GRIK4: variants seen among roughly 807,000 people sequenced by gnomAD.
The protein encoded by GRIK4 is glutamate receptor ionotropic, kainate 4.
GRIK4 carries 40 observed loss-of-function variants against 104.9 expected under a neutral mutation model. The observed-to-expected ratio is 0.38, with a 90% CI of 0.30 to 0.50. The LOEUF (loss-of-function observed/expected upper bound fraction) is 0.50. Among genes scored for constraint, GRIK4 ranks in the 20% least tolerant of loss-of-function variants. The probability of loss-of-function intolerance (pLI) is 0.93; values close to 1 mark genes in which losing one functional copy is unlikely to be tolerated. For synonymous variants in GRIK4, 485 were observed against 524.9 expected (o/e 0.92, Z 1.04); for missense variants, 1,047 against 1,308.1 (o/e 0.80, Z 3.08).
At chr11:120,663,755 G>A (rs1352461594) in intron 3 of GRIK4, among the ~76,000 whole-genome samples, 1 of 151,926 alleles carries the variant, frequency 6.6e-6, no homozygotes, top group Non-Finnish European at 1.5e-5. Context: ...TCTTCCTCCC[G>A]TTTCATCTTC....
chr11:120,662,897 C>T (rs2135245910), intron 3 of GRIK4, among the ~76,000 whole-genome samples: 1 of 152,222 alleles, frequency 6.6e-6, no homozygotes, highest in Non-Finnish European at 1.5e-5. Context: ...GTGGCCGAAC[C>T]CATTACCCTG....
intron 3 of GRIK4, among the ~76,000 whole-genome samples, chr11:120,709,069 G>A (rs76976304): frequency 0.03 from 4,501 of 152,146 alleles, 100 homozygotes; most frequent in Non-Finnish European, 0.047. Context: ...TCAGGAGTCC[G>A]GAGTCCTTTC....
chr11:120,549,561 C>T lies in GRIK4; in HGVS notation c.-159+37674C>T, dbSNP rs1369815832. Among the ~76,000 whole-genome samples, 1 of 152,190 alleles carries T rather than the reference C, an allele frequency of 6.6e-6. No homozygotes were observed. The highest frequency in any genetic ancestry group is 1.9e-4 in the East Asian group (1 of 5,190). The stretch of plus-strand genomic sequence containing the variant: ...TTCCTGTAAGAGGTGAGGGCAGAGA[C>T]AGGATAGGGAGGGGCACAGCAGGCA... On this transcript the variant is annotated intron_variant, in intron 1 of 20. Transcript: ENST00000527524. The surrounding 1 kb of genome is among the most constrained non-coding windows in gnomAD (Gnocchi z 4.7).
intron 1 of GRIK4, among the ~76,000 whole-genome samples, chr11:120,541,956 G>C (rs1348185132): frequency 2.7e-5 from 4 of 150,204 alleles, no homozygotes; most frequent in Non-Finnish European, 5.9e-5. Context: ...TACAGAAAGA[G>C]AAAAAAAAAC....
In GRIK4 at chr11:120,716,384, CA is replaced by C. The variant is rs573484231; in HGVS notation, c.82+55985del. Among the ~76,000 whole-genome samples, 779 of 152,238 alleles carry C rather than the reference CA, an allele frequency of 5.1e-3. 5 individuals are homozygous for C. Among genetic ancestry groups the C allele is most frequent in the African/African-American group, 0.018 (758 of 41,528 alleles). On this transcript the variant is annotated intron_variant, in intron 3 of 20. Coordinates refer to ENST00000527524, the MANE Select transcript of GRIK4 (RefSeq NM_014619.5). ...TCAGCCTCCCAAGTAGCTGGGATTA[CA>C]GGCGCCTGCCACTGTGCCCAGCTAA...
At chr11:120,706,763 G>T (rs1216207353) in intron 3 of GRIK4, among the ~76,000 whole-genome samples, 1 of 152,200 alleles carries the variant, frequency 6.6e-6, no homozygotes, top group Non-Finnish European at 1.5e-5. Context: ...CTGTGAGTAG[G>T]GATGGCAACT....
At chr11:120,634,054 G>A (rs546622808) in intron 1 of GRIK4, among the ~76,000 whole-genome samples, 2 of 152,312 alleles carry the variant, frequency 1.3e-5, no homozygotes, top group African/African-American at 4.8e-5. Flanking sequence ...TAACGTTAGA[G>A]CAGCGGCTGC....
chr11:120,926,463 A>G (rs1326048128), intron 13 of GRIK4, among the ~76,000 whole-genome samples: 3 of 152,182 alleles, frequency 2.0e-5, no homozygotes, highest in East Asian at 1.9e-4. Flanking sequence ...AACCTCCCCA[A>G]CATACCTACA....
intron 1 of GRIK4, among the ~76,000 whole-genome samples, chr11:120,556,059 C>G (rs1306716651): frequency 6.6e-6 from 1 of 152,152 alleles, no homozygotes; most frequent in Non-Finnish European, 1.5e-5. Flanking sequence ...AGAGCGCCGT[C>G]TAATGTGGGT....
At chr11:120,624,531 T>A (rs937247185) in intron 1 of GRIK4, among the ~76,000 whole-genome samples, 6 of 152,078 alleles carry the variant, frequency 3.9e-5, no homozygotes. Flanking sequence ...TTGCCCCTCC[T>A]TGCTGGCCAC....
At chr11:120,699,874 C>T (rs971980487) in intron 3 of GRIK4, among the ~76,000 whole-genome samples, 3 of 152,174 alleles carry the variant, frequency 2.0e-5, no homozygotes, top group African/African-American at 7.2e-5. Context: ...CAGTTTGTAT[C>T]AGCAAGGGCC....
chr11:120,669,218 G>T (rs907703604), intron 3 of GRIK4, among the ~76,000 whole-genome samples: 3 of 152,142 alleles, frequency 2.0e-5, no homozygotes, highest in Non-Finnish European at 4.4e-5. Flanking sequence ...CCCCATTTCT[G>T]TGCAGCATTT....
At chr11:120,839,327 T>C (rs1953658389) in intron 8 of GRIK4, among the ~76,000 whole-genome samples, 1 of 152,214 alleles carries the variant, frequency 6.6e-6, no homozygotes, top group Non-Finnish European at 1.5e-5. Flanking sequence ...GGGAAAGGCA[T>C]GGATGGACCT....
intron 1 of GRIK4, among the ~76,000 whole-genome samples, chr11:120,653,144 C>T (rs1269356290): frequency 6.6e-6 from 1 of 152,194 alleles, no homozygotes; most frequent in Non-Finnish European, 1.5e-5. Flanking sequence ...TGCTGCATGC[C>T]AGGCACTGTC....
chr11:120,695,391 G>A (rs1404416920), intron 3 of GRIK4, among the ~76,000 whole-genome samples: 4 of 152,240 alleles, frequency 2.6e-5, no homozygotes, highest in African/African-American at 9.6e-5. Flanking sequence ...GCCTTCTGTG[G>A]CTCGCCAAGG....
At chr11:120,898,884 C>G (rs1249429085) in intron 12 of GRIK4, among the ~76,000 whole-genome samples, 1 of 152,208 alleles carries the variant, frequency 6.6e-6, no homozygotes, top group Non-Finnish European at 1.5e-5. Flanking sequence ...CTCTTGGAGG[C>G]ACCCTGTCAG....
intron 13 of GRIK4, among the ~76,000 whole-genome samples, chr11:120,925,736 C>A (rs1215150851): frequency 6.6e-6 from 1 of 152,048 alleles, no homozygotes; most frequent in Non-Finnish European, 1.5e-5. Context: ...CTTTGGGAGA[C>A]TGAGGCGGGT....
intron 15 of GRIK4, among the ~76,000 whole-genome samples, chr11:120,954,819 AC>A (rs1390002334): frequency 2.6e-4 from 21 of 82,184 alleles, no homozygotes; most frequent in African/African-American, 1.4e-3. Context: ...ACACACACAC[AC>A]ACACACACAC....
chr11:120,605,162 T>C (rs916621512), intron 1 of GRIK4, among the ~76,000 whole-genome samples: 1 of 152,194 alleles, frequency 6.6e-6, no homozygotes, highest in Non-Finnish European at 1.5e-5. Flanking sequence ...TAAAAAACTT[T>C]CCAAGTGATA....
Sources: allele counts gnomAD v4.1 joint callset (sites outside exome capture counted in the v4.1 genomes callset), GRCh38; gene constraint gnomAD v4.1.1; non-coding constraint Gnocchi (gnomAD v3.1); transcripts MANE v1.5; gene names NCBI Gene and HGNC (gene_info 2026-07-23, HGNC 2026-07-21).